CENPP: variants seen among roughly 807,000 people sequenced by gnomAD.
CENPP encodes centromere protein P.
A neutral mutation model predicts 35.6 loss-of-function variants in CENPP; 24 were observed. That is an observed-to-expected ratio of 0.67 (90% CI 0.49 to 0.95). The LOEUF (loss-of-function observed/expected upper bound fraction) is 0.95, where lower values mean the gene tolerates loss of function less well. Among genes scored for constraint, CENPP ranks in the 40% least tolerant of loss-of-function variants. CENPP has a pLI of 0.00. For synonymous variants in CENPP, 120 were observed against 125.5 expected (o/e 0.96, Z 0.29); for missense variants, 332 against 345.3 (o/e 0.96, Z 0.31).
chr9:92,535,455 A>G (rs1295045687), intron 5 of CENPP, among the ~76,000 whole-genome samples: 1 of 152,134 alleles, frequency 6.6e-6, no homozygotes. Flanking sequence ...TCCCAACATT[A>G]AATATTATTT....
intron 4 of CENPP, among the ~76,000 whole-genome samples, chr9:92,358,653 A>G (rs1352487602): frequency 6.6e-6 from 1 of 151,944 alleles, no homozygotes; most frequent in Non-Finnish European, 1.5e-5. Flanking sequence ...CTTTCTGCCT[A>G]CTCAAATCTG....
At chr9:92,393,134 G>A (rs921620393) in intron 5 of CENPP, 5 of 1,613,752 alleles carry the variant, frequency 3.1e-6, no homozygotes, top group Non-Finnish European at 4.2e-6. Context: ...TTGTTGAATC[G>A]TGCGTAAAGA....
At chr9:92,422,034 A>G (rs1281940767) in intron 5 of CENPP, among the ~76,000 whole-genome samples, 2 of 151,996 alleles carry the variant, frequency 1.3e-5, no homozygotes, top group Non-Finnish European at 2.9e-5. Context: ...TATTGTACTT[A>G]TTATAGTATA....
intron 4 of CENPP, among the ~76,000 whole-genome samples, chr9:92,374,166 A>G (rs1842072475): frequency 6.7e-6 from 1 of 149,214 alleles, no homozygotes; most frequent in Non-Finnish European, 1.5e-5. Context: ...CTGCCATTTG[A>G]TGGTGAGTTT....
At chr9:92,510,378 A>C (rs936090880) in intron 5 of CENPP, among the ~76,000 whole-genome samples, 1 of 152,234 alleles carries the variant, frequency 6.6e-6, no homozygotes, top group African/African-American at 2.4e-5. Context: ...AATAGACAGA[A>C]ATTTTATGAA....
At position 92,512,182 on chromosome 9, in the gene CENPP, A is replaced by G. The variant is rs150792948; in HGVS notation, c.565-99132A>G. ...TGTGTGCATATACATACATGTACACACATGTATGGGCATGTGTGCATAGAT... is the reference window on the plus strand; with the variant it reads ...TGTGTGCATATACATACATGTACACGCATGTATGGGCATGTGTGCATAGAT... On this transcript the variant is annotated intron_variant, in intron 5 of 7. Coordinates refer to ENST00000375587, the MANE Select transcript of CENPP (RefSeq NM_001012267.3). 7.6e-4 allele frequency: 907 copies of G among 1,200,446 alleles called. 7 individuals are homozygous for G. The African/African-American group carries it at 0.013, about 17-fold the overall frequency. The allele number at this position is 1,200,446 out of a possible 1,614,324, so 74.4% of individuals were successfully genotyped here.
intron 4 of CENPP, among the ~76,000 whole-genome samples, chr9:92,368,077 G>C (rs1287071891): frequency 6.6e-6 from 1 of 152,066 alleles, no homozygotes; most frequent in Non-Finnish European, 1.5e-5. Flanking sequence ...GTTTTTTACT[G>C]TTAAGTTCTT....
At chr9:92,374,393 C>T (rs1052603230) in intron 4 of CENPP, among the ~76,000 whole-genome samples, 17 of 151,854 alleles carry the variant, frequency 1.1e-4, no homozygotes, top group East Asian at 5.8e-4. Flanking sequence ...CTAGTAGAGA[C>T]GGAGGTTTCT....
chr9:92,615,771 A>G lies in CENPP; in HGVS notation c.*2622A>G, dbSNP rs1224673217. On this transcript the variant is annotated 3_prime_UTR_variant, in exon 8 of 8. Transcript: ENST00000375587. Reference sequence around the variant, plus strand: ...CAAAGGTCACCCAACACAACAGAAAATATCTCTATCATTCAGCCTTCACAT... The same window carrying G: ...CAAAGGTCACCCAACACAACAGAAAGTATCTCTATCATTCAGCCTTCACAT... 2.9e-6 allele frequency: 4 copies of G among 1,372,880 alleles called. No individual in the cohort carries two copies. Among genetic ancestry groups the G allele is most frequent in the Non-Finnish European group, 4.1e-6 (4 of 968,078 alleles). 85.0% of individuals were successfully genotyped at this position (1,372,880 alleles called of 1,614,324 possible). A position where few individuals can be genotyped will look rare whatever the true frequency, so the allele number is the denominator to read the frequency against.
At chr9:92,422,807 A>T (rs1024675952) in intron 5 of CENPP, among the ~76,000 whole-genome samples, 5 of 152,178 alleles carry the variant, frequency 3.3e-5, no homozygotes, top group African/African-American at 1.2e-4. Flanking sequence ...ATTTTATCCA[A>T]ATTTTTCATT....
In CENPP at chr9:92,549,106, C is replaced by T. The variant is rs1291770701; in HGVS notation, c.565-62208C>T. 1.4e-4 allele frequency among the ~76,000 whole-genome samples: 21 copies of T among 152,238 alleles called. 1 individual carries two copies. Among genetic ancestry groups the T allele is most frequent in the Admixed American group, 6.5e-5 (1 of 15,292 alleles). On this transcript the variant is annotated intron_variant, in intron 5 of 7. Transcript: ENST00000375587. ...TCATCACATGTAGCTACTTGATTTT[C>T]TCACGTGGACGGTTTCAAGGAACTG...
At chr9:92,441,606 A>G (rs780608521) in intron 5 of CENPP, among the ~76,000 whole-genome samples, 7 of 152,038 alleles carry the variant, frequency 4.6e-5, no homozygotes, top group Non-Finnish European at 1.0e-4. Flanking sequence ...AAAAAACACA[A>G]AAGTCAGCCT....
At chr9:92,334,833 T>C (rs542472831) in intron 2 of CENPP, among the ~76,000 whole-genome samples, 2 of 149,552 alleles carry the variant, frequency 1.3e-5, no homozygotes, top group South Asian at 2.1e-4. Context: ...TGAGCTGAGA[T>C]TGCACCACTG....
chr9:92,513,616 A>G (rs1193012875), intron 5 of CENPP, among the ~76,000 whole-genome samples: 1 of 152,236 alleles, frequency 6.6e-6, no homozygotes, highest in Non-Finnish European at 1.5e-5. Context: ...GAAGAGAGGA[A>G]TGAACTACTG....
At chr9:92,464,918 C>A (rs1845248755) in intron 5 of CENPP, 2 of 1,590,538 alleles carry the variant, frequency 1.3e-6, no homozygotes, top group Admixed American at 1.7e-5. Flanking sequence ...TAAATACAAA[C>A]CTTTAGGAAC....
At position 92,593,620 on chromosome 9, in the gene CENPP, T is replaced by C. The variant is rs1311709930; in HGVS notation, c.565-17694T>C. Among the ~76,000 whole-genome samples, 4 of 152,194 alleles carry C rather than the reference T, an allele frequency of 2.6e-5. No homozygotes were observed. The highest frequency in any genetic ancestry group is 9.7e-5 in the African/African-American group (4 of 41,440). On this transcript the variant is annotated intron_variant, in intron 5 of 7. Transcript: ENST00000375587. The surrounding 1 kb of genome is among the most constrained non-coding windows in gnomAD (Gnocchi z 4.1). ...TCTGTTATCTGTTTTGAGTTTTAAG[T>C]CAAGCCCATAATAAGCTGGTTCCTT...
At chr9:92,357,434 C>T (rs1841618811) in intron 4 of CENPP, among the ~76,000 whole-genome samples, 1 of 150,170 alleles carries the variant, frequency 6.7e-6, no homozygotes, top group Admixed American at 6.6e-5. Flanking sequence ...TTCTTTTCTC[C>T]AGCCACATCC....
chr9:92,471,327 G>C (rs1845506390), intron 5 of CENPP, among the ~76,000 whole-genome samples: 1 of 151,784 alleles, frequency 6.6e-6, no homozygotes, highest in Admixed American at 6.6e-5. Flanking sequence ...CTCCTGAGTA[G>C]CTGGGATTAC....
Position 92,496,568 on chromosome 9 carries a change from T to A in CENPP, c.565-114746T>A, listed in dbSNP as rs1846357391. ...TTAAGTTTAACATTTGTTAAAAAAATTTTGTTCTTAAAATAAAGTTGGATC... is the reference window on the plus strand; with the variant it reads ...TTAAGTTTAACATTTGTTAAAAAAAATTTGTTCTTAAAATAAAGTTGGATC... On this transcript the variant is annotated intron_variant, in intron 5 of 7. Coordinates refer to ENST00000375587, the MANE Select transcript of CENPP (RefSeq NM_001012267.3). 3.9e-6 allele frequency: 6 copies of A among 1,523,524 alleles called. 1 individual carries two copies. Among genetic ancestry groups the A allele is most frequent in the Admixed American group, 4.7e-5 (2 of 42,376 alleles). 94.4% of individuals were successfully genotyped at this position (1,523,524 alleles called of 1,614,324 possible).
Sources: allele counts gnomAD v4.1 joint callset (sites outside exome capture counted in the v4.1 genomes callset), GRCh38; gene constraint gnomAD v4.1.1; non-coding constraint Gnocchi (gnomAD v3.1); transcripts MANE v1.5; gene names NCBI Gene and HGNC (gene_info 2026-07-23, HGNC 2026-07-21).